ZFPM2: variants seen among roughly 807,000 people sequenced by gnomAD.
ZFPM2 encodes zinc finger protein, FOG family member 2.
A neutral mutation model predicts 98.6 loss-of-function variants in ZFPM2; 20 were observed. The ratio of observed to expected loss-of-function variants is 0.20; its 90% CI spans 0.14 to 0.29. ZFPM2 has a LOEUF of 0.29. ZFPM2 is among the 10% of genes least tolerant of loss of function. The pLI, the probability that ZFPM2 is intolerant of heterozygous loss-of-function variation, is 1.00. For missense variants in ZFPM2, 1,310 were observed against 1,388.6 expected (o/e 0.94, Z 0.90); for synonymous variants, 518 against 502.7 (o/e 1.03, Z -0.41).
Position 105,389,013 on chromosome 8 carries a change from CGTGTGTGTGTGTGT to C in ZFPM2, c.41-30098_41-30085del, listed in dbSNP as rs142145699. 9.0e-4 allele frequency among the ~76,000 whole-genome samples: 122 copies of C among 134,900 alleles called. 1 individual carries two copies. Among genetic ancestry groups the C allele is most frequent in the East Asian group, 7.1e-3 (32 of 4,482 alleles). The allele number at this position is 134,900 out of a possible 152,430, so 88.5% of individuals were successfully genotyped here. ...AAAACAAAACCACAGAATTTGATGA[CGTGTGTGTGTGTGT>C]GTGTGTGTGTGTGTGTGTGTGTGTG... On this transcript the variant is annotated intron_variant, in intron 1 of 7. Coordinates refer to ENST00000407775, the MANE Select transcript of ZFPM2 (RefSeq NM_012082.4).
At chr8:105,384,623 A>G (rs897895098) in intron 1 of ZFPM2, among the ~76,000 whole-genome samples, 4 of 152,158 alleles carry the variant, frequency 2.6e-5, no homozygotes, top group African/African-American at 7.2e-5. Flanking sequence ...AGGGTGTGCA[A>G]TAGTTAGTTG....
chr8:105,793,837 T>A (rs1469399782), intron 6 of ZFPM2, among the ~76,000 whole-genome samples: 2 of 134,302 alleles, frequency 1.5e-5, no homozygotes. Context: ...TCATCTTCCA[T>A]CGCTGATACC....
At chr8:105,600,101 A>G (rs1295897566) in intron 4 of ZFPM2, among the ~76,000 whole-genome samples, 2 of 152,232 alleles carry the variant, frequency 1.3e-5, no homozygotes, top group African/African-American at 2.4e-5. Context: ...GCCGACCACA[A>G]TGTTTGCCTA....
chr8:105,522,331 G>A (rs1170586803), intron 3 of ZFPM2, among the ~76,000 whole-genome samples: 1 of 152,146 alleles, frequency 6.6e-6, no homozygotes, highest in Non-Finnish European at 1.5e-5. Context: ...ATGTTTGGGA[G>A]AACAACATCT....
intron 1 of ZFPM2, among the ~76,000 whole-genome samples, chr8:105,383,819 C>T (rs1810933719): frequency 6.6e-6 from 1 of 152,060 alleles, no homozygotes; most frequent in African/African-American, 2.4e-5. Flanking sequence ...AAGTTGTGCC[C>T]ACTATTCAGA....
At chr8:105,420,879 T>G (rs550957351) in intron 2 of ZFPM2, among the ~76,000 whole-genome samples, 1 of 152,290 alleles carries the variant, frequency 6.6e-6, no homozygotes, top group African/African-American at 2.4e-5. Context: ...TATGGATTTA[T>G]ACCTTTTGTC....
At chr8:105,550,553 A>C (rs534636550) in intron 3 of ZFPM2, among the ~76,000 whole-genome samples, 1 of 152,298 alleles carries the variant, frequency 6.6e-6, no homozygotes, top group Non-Finnish European at 1.5e-5. Flanking sequence ...CCAGGTAGAA[A>C]GCATTGTGGA....
chr8:105,578,219 A>G (rs1395197874), intron 4 of ZFPM2, among the ~76,000 whole-genome samples: 1 of 152,068 alleles, frequency 6.6e-6, no homozygotes, highest in Non-Finnish European at 1.5e-5. Context: ...GACAGCATCT[A>G]AAGGAATGGG....
At chr8:105,680,271 T>C (rs1359494891) in intron 5 of ZFPM2, among the ~76,000 whole-genome samples, 2 of 152,164 alleles carry the variant, frequency 1.3e-5, no homozygotes, top group Admixed American at 6.5e-5. Context: ...AAAAAATCTA[T>C]GTTGTAGTGG....
intron 5 of ZFPM2, among the ~76,000 whole-genome samples, chr8:105,680,552 A>C (rs182618083): frequency 2.6e-5 from 4 of 152,276 alleles, no homozygotes; most frequent in Admixed American, 2.6e-4. Context: ...TCTCTTTACT[A>C]TCTTCCATGA....
chr8:105,729,666 T>C (rs149825819), intron 5 of ZFPM2, among the ~76,000 whole-genome samples: 223 of 151,804 alleles, frequency 1.5e-3, no homozygotes, highest in Middle Eastern at 0.01. Context: ...CTTTCAACTA[T>C]TGGCCTTATA....
intron 5 of ZFPM2, among the ~76,000 whole-genome samples, chr8:105,763,523 AGAGTAGAACTAACATTTTTGAAGT>A (rs1175503821): frequency 1.4e-4 from 22 of 151,914 alleles, no homozygotes; most frequent in African/African-American, 5.1e-4. Context: ...TTATGAGAAG[AGAGTAGAACTAACATTTTTGAAGT>A]GACTATTCTG....
intron 1 of ZFPM2, among the ~76,000 whole-genome samples, chr8:105,363,607 A>C (rs1810449341): frequency 6.6e-6 from 1 of 152,116 alleles, no homozygotes; most frequent in African/African-American, 2.4e-5. Flanking sequence ...AGCTCTGTCC[A>C]ACTCCCACAA....
chr8:105,405,671 G>T (rs1390835775), intron 1 of ZFPM2, among the ~76,000 whole-genome samples: 1 of 151,878 alleles, frequency 6.6e-6, no homozygotes, highest in Non-Finnish European at 1.5e-5. Flanking sequence ...TCTTAATCCA[G>T]TCTATCATTG....
At chr8:105,409,802 T>C (rs1400038571) in intron 1 of ZFPM2, among the ~76,000 whole-genome samples, 1 of 151,796 alleles carries the variant, frequency 6.6e-6, no homozygotes, top group Non-Finnish European at 1.5e-5. Context: ...GTTTCTGAAA[T>C]CGGTAGATCT....
chr8:105,484,784 G>A (rs2130401132), intron 3 of ZFPM2, among the ~76,000 whole-genome samples: 1 of 152,292 alleles, frequency 6.6e-6, no homozygotes, highest in Non-Finnish European at 1.5e-5. Context: ...GGGGTTGTGA[G>A]CTTTTCTTAG....
chr8:105,696,412 A>AT (rs1811021239), intron 5 of ZFPM2, among the ~76,000 whole-genome samples: 1 of 152,202 alleles, frequency 6.6e-6, no homozygotes, highest in African/African-American at 2.4e-5. Context: ...GGTATGTAGC[A>AT]TAAAATTTAA....
intron 4 of ZFPM2, among the ~76,000 whole-genome samples, chr8:105,605,885 T>C (rs2130791116): frequency 6.6e-6 from 1 of 152,202 alleles, no homozygotes; most frequent in East Asian, 1.9e-4. Context: ...TTGGAGGCTA[T>C]GTTCTTCCCA....
intron 3 of ZFPM2, among the ~76,000 whole-genome samples, chr8:105,536,703 G>C (rs1814460361): frequency 6.6e-6 from 1 of 152,150 alleles, no homozygotes; most frequent in South Asian, 2.1e-4. Flanking sequence ...CCATTAGCAT[G>C]ATGAGTGCTA....
Sources: allele counts gnomAD v4.1 joint callset (sites outside exome capture counted in the v4.1 genomes callset), GRCh38; gene constraint gnomAD v4.1.1; transcripts MANE v1.5; gene names NCBI Gene and HGNC (gene_info 2026-07-23, HGNC 2026-07-21).